PAPSS2: variants seen among roughly 807,000 people sequenced by gnomAD.
PAPSS2 encodes the protein 3'-phosphoadenosine 5'-phosphosulfate synthase 2, also known as bifunctional 3'-phosphoadenosine 5'-phosphosulfate synthase 2.
A neutral mutation model predicts 66.5 loss-of-function variants in PAPSS2; 61 were observed. That is an observed-to-expected ratio of 0.92 (90% CI 0.75 to 1.14). PAPSS2 has a LOEUF of 1.14. Ranked by LOEUF, PAPSS2 falls within the 50% of genes most tolerant of loss-of-function variation. The pLI is 0.00. For synonymous variants in PAPSS2, 289 were observed against 287.5 expected, an observed-to-expected ratio of 1.01 and a Z score of -0.05; for missense variants, 708 against 789.6, an observed-to-expected ratio of 0.90 and a Z score of 1.24.
At chr10:87,737,953 A>G (rs964199430) in intron 9 of PAPSS2, among the ~76,000 whole-genome samples, 2 of 152,206 alleles carry the variant, frequency 1.3e-5, no homozygotes, top group African/African-American at 2.4e-5. Context: ...GATACCTCAT[A>G]TAAGTGGAAT....
At chr10:87,698,465 C>T (rs1343280348) in intron 1 of PAPSS2, among the ~76,000 whole-genome samples, 1 of 152,098 alleles carries the variant, frequency 6.6e-6, no homozygotes, top group Non-Finnish European at 1.5e-5. Context: ...CAAATCATTT[C>T]TCTCAATTTT....
intron 1 of PAPSS2, among the ~76,000 whole-genome samples, chr10:87,670,367 A>G (rs889677088): frequency 3.3e-5 from 5 of 152,240 alleles, no homozygotes; most frequent in East Asian, 1.9e-4. Flanking sequence ...GATGTTGTCA[A>G]CCGATCAATG....
At chr10:87,688,363 A>G (rs1853114555) in intron 1 of PAPSS2, among the ~76,000 whole-genome samples, 1 of 151,804 alleles carries the variant, frequency 6.6e-6, no homozygotes. Context: ...AACCTTAAAT[A>G]TACCATTTGT....
intron 1 of PAPSS2, among the ~76,000 whole-genome samples, chr10:87,660,804 GAAAAAAA>G (rs61018901): frequency 0.19 from 22,293 of 114,374 alleles, 2,268 homozygotes; most frequent in East Asian, 0.38. Flanking sequence ...CCAATAAACT[GAAAAAAA>G]AAAAAAAAAA....
intron 11 of PAPSS2, among the ~76,000 whole-genome samples, chr10:87,744,037 G>A (rs1589445447): frequency 6.6e-6 from 1 of 152,154 alleles, no homozygotes; most frequent in Admixed American, 6.5e-5. Flanking sequence ...GGGAGGTGGA[G>A]GTTGCAGTGA....
intron 5 of PAPSS2, 40 bp from the exon 6 acceptor site, chr10:87,714,945 T>C (rs1853514218): frequency 2.8e-6 from 4 of 1,448,492 alleles, no homozygotes; most frequent in Non-Finnish European, 3.9e-6. Flanking sequence ...AGCATTCTTT[T>C]TACAGTTTTC....
rs529206254 is a variant in PAPSS2, at chr10:87,746,023, T to A, written c.*53T>A. On this transcript the variant is annotated 3_prime_UTR_variant, in exon 13 of 13. Transcript: ENST00000456849. ...AGTGCTCTTTGATTACCTTTTCTAT[T>A]TTTATGATTAGATGCTTTGTATTAA... 1.2e-4 allele frequency: 187 copies of A among 1,550,664 alleles called. 1 individual carries two copies. The highest frequency in any genetic ancestry group is 1.5e-4 in the Non-Finnish European group (173 of 1,123,222).
At chr10:87,721,722 A>G (rs1244237496) in intron 7 of PAPSS2, 34 bp from the exon 8 acceptor site, 2 of 1,514,348 alleles carry the variant, frequency 1.3e-6, no homozygotes, top group Non-Finnish European at 1.8e-6. Flanking sequence ...TGGAGAGCTG[A>G]AAATGTTTCT....
chr10:87,716,128 G>A (rs966947274), intron 7 of PAPSS2, among the ~76,000 whole-genome samples: 1 of 152,174 alleles, frequency 6.6e-6, no homozygotes, highest in Admixed American at 6.5e-5. Flanking sequence ...TGCTGGTGCT[G>A]ATATTCAGAA....
At position 87,660,595 on chromosome 10, in the gene PAPSS2, G is replaced by C. The variant is rs1852737860; in HGVS notation, c.27+587G>C. Among the ~76,000 whole-genome samples, 4 of 152,072 alleles carry C rather than the reference G, an allele frequency of 2.6e-5. No individual in the cohort carries two copies. In the South Asian group the frequency reaches 8.3e-4, roughly 32 times the overall value. ...GAGTTCAGTAATGAGGGGTGAGGGT[G>C]CCCCTCGGTTTGGTGGAGTAAGATG... is the stretch of plus-strand genomic sequence containing the variant. On this transcript the variant is annotated intron_variant, in intron 1 of 12. Coordinates refer to ENST00000456849, the MANE Select transcript of PAPSS2 (RefSeq NM_001015880.2).
intron 7 of PAPSS2, among the ~76,000 whole-genome samples, chr10:87,721,310 T>C (rs937884150): frequency 3.3e-5 from 5 of 152,204 alleles, no homozygotes; most frequent in South Asian, 2.1e-4. Flanking sequence ...TGTGAGATTC[T>C]AGGATGTTCT....
chr10:87,700,485 C>G (rs1272993597), intron 1 of PAPSS2, among the ~76,000 whole-genome samples: 6 of 151,860 alleles, frequency 4.0e-5, no homozygotes, highest in Non-Finnish European at 7.4e-5. Context: ...GGCAGTTGCT[C>G]TACATTACAA....
intron 1 of PAPSS2, among the ~76,000 whole-genome samples, chr10:87,669,605 G>A (rs1589418054): frequency 6.6e-6 from 1 of 152,206 alleles, no homozygotes; most frequent in African/African-American, 2.4e-5. Flanking sequence ...ATTGTGGAAT[G>A]TGCGTTATTT....
At chr10:87,710,607 T>G (rs1321776326) in intron 2 of PAPSS2, among the ~76,000 whole-genome samples, 1 of 152,204 alleles carries the variant, frequency 6.6e-6, no homozygotes, top group Non-Finnish European at 1.5e-5. Context: ...AAAAGAGAAT[T>G]GGTAGAAGAG....
chr10:87,731,684 T>C (rs576982820), intron 9 of PAPSS2, among the ~76,000 whole-genome samples: 1 of 152,170 alleles, frequency 6.6e-6, no homozygotes, highest in Admixed American at 6.5e-5. Context: ...CCTTCATGGA[T>C]GACTTTGAGG....
rs191112342 is a variant in PAPSS2, at chr10:87,733,751, A to T, written c.1086+6262A>T. 2.0e-5 allele frequency among the ~76,000 whole-genome samples: 3 copies of T among 152,266 alleles called. No homozygotes were observed. The East Asian group carries it at 5.8e-4, about 29-fold the overall frequency. On this transcript the variant is annotated intron_variant, in intron 9 of 12. Coordinates refer to ENST00000456849, the MANE Select transcript of PAPSS2 (RefSeq NM_001015880.2). ...TGTGAAGGTTGAGAACTATTGAGTT[A>T]GATAATTGTTTGGAGCTATTTTCTT... is the stretch of plus-strand genomic sequence containing the variant.
intron 1 of PAPSS2, among the ~76,000 whole-genome samples, chr10:87,694,443 G>T (rs1325814566): frequency 6.6e-6 from 1 of 152,208 alleles, no homozygotes; most frequent in East Asian, 1.9e-4. Flanking sequence ...CATCAAGGAA[G>T]GCAGCCAGCA....
intron 1 of PAPSS2, chr10:87,704,046 T>G (rs756030393): frequency 2.0e-6 from 1 of 498,504 alleles, no homozygotes; most frequent in Admixed American, 2.1e-5. Context: ...AAAAGAAAAG[T>G]TTTTGGCCAC....
At chr10:87,687,959 C>A (rs6586095) in intron 1 of PAPSS2, among the ~76,000 whole-genome samples, 41,529 of 151,910 alleles carry the variant, frequency 0.27, 6,086 homozygotes, top group African/African-American at 0.38. Flanking sequence ...TGGACAATGC[C>A]ACCTATTTTC....
Sources: allele counts gnomAD v4.1 joint callset (sites outside exome capture counted in the v4.1 genomes callset), GRCh38; gene constraint gnomAD v4.1.1; transcripts MANE v1.5; gene names NCBI Gene and HGNC (gene_info 2026-07-23, HGNC 2026-07-21).